The following G2E3 variants were observed in gnomAD, a reference collection of about 807,000 sequenced individuals.
G2E3 encodes G2/M phase-specific E3 ubiquitin-protein ligase.
G2E3 carries 35 observed loss-of-function variants against 92.8 expected under a neutral mutation model. That is an observed-to-expected ratio of 0.38 (90% CI 0.29 to 0.50). G2E3 has a LOEUF of 0.50. Ranked by LOEUF, G2E3 falls within the 20% of genes least tolerant of loss-of-function variation. The pLI, the probability that G2E3 is intolerant of heterozygous loss-of-function variation, is 0.94. For synonymous variants in G2E3, 242 were observed against 272.4 expected (o/e 0.89, Z 1.10); for missense variants, 554 against 823.8 (o/e 0.67, Z 4.01).
intron 3 of G2E3, 86 bp downstream of exon 3, chr14:30,586,901 T>G: frequency 2.2e-6 from 1 of 452,964 alleles, no homozygotes; most frequent in Non-Finnish European, 4.0e-6. Context: ...GAGAATTGGA[T>G]AAGTCATTTA....
In G2E3 at chr14:30,600,107, A is replaced by T. The variant is rs573197122; in HGVS notation, c.752+1508A>T. 9.2e-5 allele frequency among the ~76,000 whole-genome samples: 14 copies of T among 152,352 alleles called. No homozygotes were observed. In the South Asian group the frequency reaches 2.5e-3, roughly 27 times the overall value. On this transcript the variant is annotated intron_variant, in intron 8 of 14. Coordinates refer to ENST00000206595, the MANE Select transcript of G2E3 (RefSeq NM_017769.5). The stretch of plus-strand genomic sequence containing the variant: ...CAAAATTTATATAGGAAATTTCAAT[A>T]ATTTGTTATCACTGTTATGTAGTCT...
intron 1 of G2E3, among the ~76,000 whole-genome samples, chr14:30,563,684 C>G (rs1376514926): frequency 7.0e-6 from 1 of 142,876 alleles, no homozygotes; most frequent in Non-Finnish European, 1.5e-5. Flanking sequence ...AAACTTGTAA[C>G]TTTGTTACTT....
chr14:30,590,206 G>A (rs1023393412), intron 4 of G2E3, among the ~76,000 whole-genome samples: 14 of 152,154 alleles, frequency 9.2e-5, no homozygotes, highest in Admixed American at 7.9e-4. Flanking sequence ...TCATGGGGGA[G>A]CATTTTGGGT....
intron 5 of G2E3, 57 bp downstream of exon 5, chr14:30,592,504 C>A (rs1345251715): frequency 1.0e-5 from 13 of 1,281,448 alleles, no homozygotes. Flanking sequence ...GTGGAAAATA[C>A]ATATCCCAAT....
chr14:30,561,498 C>G (rs1479644111), intron 1 of G2E3, among the ~76,000 whole-genome samples: 1 of 152,194 alleles, frequency 6.6e-6, no homozygotes, highest in Non-Finnish European at 1.5e-5. Context: ...TTCCCAAGGA[C>G]CATCTTCATA....
At chr14:30,566,004 T>C (rs1879412637) in intron 1 of G2E3, among the ~76,000 whole-genome samples, 1 of 152,166 alleles carries the variant, frequency 6.6e-6, no homozygotes, top group African/African-American at 2.4e-5. Flanking sequence ...CCCAGGACCA[T>C]TTGTCGAAGA....
chr14:30,594,617 C>T lies in G2E3; in HGVS notation c.528+978C>T, dbSNP rs139995925. The stretch of plus-strand genomic sequence containing the variant: ...CTGAGGCGGGAGAATGGCATGAACC[C>T]GGAAGACGGAGCTTGCACTGAGCCA... On this transcript the variant is annotated intron_variant, in intron 6 of 14. Transcript: ENST00000206595. 8.6e-3 allele frequency among the ~76,000 whole-genome samples: 1,312 copies of T among 151,738 alleles called. 21 individuals carry two copies. The highest frequency in any genetic ancestry group is 0.029 in the African/African-American group (1,219 of 41,362).
At chr14:30,607,366 C>T (rs1474941616) in intron 11 of G2E3, among the ~76,000 whole-genome samples, 2 of 152,150 alleles carry the variant, frequency 1.3e-5, no homozygotes. Flanking sequence ...GTGTAGCCTA[C>T]TACACACCAA....
At chr14:30,581,990 G>C (rs1260751672) in intron 2 of G2E3, among the ~76,000 whole-genome samples, 2 of 152,102 alleles carry the variant, frequency 1.3e-5, no homozygotes, top group South Asian at 2.1e-4. Flanking sequence ...TACTTTTAAA[G>C]TATCTTTTGA....
chr14:30,581,085 T>C lies in G2E3; in HGVS notation c.6T>C (p.Asn2=). 1 of 1,475,502 alleles carries C rather than the reference T, an allele frequency of 6.8e-7. No homozygotes were observed. Among genetic ancestry groups the C allele is most frequent in the Non-Finnish European group, 9.5e-7 (1 of 1,056,288 alleles). The allele number at this position is 1,475,502 out of a possible 1,614,324, so 91.4% of individuals were successfully genotyped here. A position where few individuals can be genotyped will look rare whatever the true frequency, so the allele number is the denominator to read the frequency against. Reference sequence around the variant, plus strand: ...ATGTTATTTTTCCTAGTAAAATGAATGAAAGTAAACCTGGTGACTCACAGA... The same window carrying C: ...ATGTTATTTTTCCTAGTAAAATGAACGAAAGTAAACCTGGTGACTCACAGA... M[N]ESKPGDSQNL... The change falls in exon 2 of 15, where the codon AAT becomes AAC. Residue 2 remains asparagine, a synonymous_variant. Coordinates refer to ENST00000206595, the MANE Select transcript of G2E3 (RefSeq NM_017769.5).
intron 2 of G2E3, 26 bp downstream of exon 2, chr14:30,581,142 T>G: frequency 8.0e-7 from 1 of 1,246,922 alleles, no homozygotes; most frequent in South Asian, 1.2e-5. Flanking sequence ...TAAAATAATT[T>G]TATTACAATG....
chr14:30,590,885 T>C, intron 4 of G2E3: 1 of 301,320 alleles, frequency 3.3e-6, no homozygotes, highest in Non-Finnish European at 6.7e-6. Flanking sequence ...TCCAAAATGC[T>C]TGGAACCAGA....
In G2E3 at chr14:30,607,910, T is replaced by C; in HGVS notation, c.1341T>C (p.Tyr447=). ...NSQALKENLY[Y]EAGKMLAISL... is the part of the protein sequence containing the mutation. ...CAGCTCTGAAAGAGAATCTTTACTA[T>C]GAAGCTGGCAAAATGCTTGCCATTT... Residue 447 remains tyrosine (Y), a synonymous_variant, in exon 12 of 15, where the codon TAT becomes TAC. Coordinates refer to ENST00000206595, the MANE Select transcript of G2E3 (RefSeq NM_017769.5). 8 of 1,604,406 alleles carry C rather than the reference T, an allele frequency of 5.0e-6. No homozygotes were observed. The highest frequency in any genetic ancestry group is 6.8e-6 in the Non-Finnish European group (8 of 1,172,966).
chr14:30,574,875 G>A (rs1303821740), intron 1 of G2E3, among the ~76,000 whole-genome samples: 6 of 152,176 alleles, frequency 3.9e-5, no homozygotes, highest in Non-Finnish European at 7.3e-5. Context: ...GAATAGTGCT[G>A]CAGTGAACAT....
intron 1 of G2E3, chr14:30,577,781 A>G (rs926305506): frequency 3.3e-5 from 5 of 152,210 alleles, no homozygotes; most frequent in Admixed American, 3.3e-4. Context: ...ACAATCAAGG[A>G]GAGGGGCAGG....
intron 11 of G2E3, 60 bp downstream of exon 11, chr14:30,605,872 A>G: frequency 2.3e-6 from 2 of 853,484 alleles, no homozygotes; most frequent in Non-Finnish European, 3.6e-6. Flanking sequence ...AAAGAGATAG[A>G]TAGCTGGTTA....
intron 1 of G2E3, chr14:30,560,728 A>G (rs1320022253): frequency 2.9e-6 from 2 of 691,724 alleles, no homozygotes; most frequent in Admixed American, 2.1e-5. Flanking sequence ...TTTATTGTGT[A>G]TACACTACCT....
intron 8 of G2E3, among the ~76,000 whole-genome samples, chr14:30,599,668 T>C (rs956972960): frequency 6.6e-6 from 1 of 152,204 alleles, no homozygotes; most frequent in South Asian, 2.1e-4. Flanking sequence ...TTAAAGAACT[T>C]ACATGACCAA....
At chr14:30,601,950 G>A (rs953903015) in intron 9 of G2E3, 49 bp from the exon 10 acceptor site, 1 of 1,605,038 alleles carries the variant, frequency 6.2e-7, no homozygotes, top group African/African-American at 1.3e-5. Flanking sequence ...TGATTTAAAA[G>A]TTTTTACCTA....
Sources: allele counts gnomAD v4.1 joint callset (sites outside exome capture counted in the v4.1 genomes callset), GRCh38; gene constraint gnomAD v4.1.1; transcripts MANE v1.5; gene names NCBI Gene and HGNC (gene_info 2026-07-23, HGNC 2026-07-21).